MYO16: variants seen among roughly 807,000 people sequenced by gnomAD.
The protein encoded by MYO16 is unconventional myosin-XVI.
MYO16 carries 94 observed loss-of-function variants against 205.3 expected under a neutral mutation model. The ratio of observed to expected loss-of-function variants is 0.46; its 90% CI spans 0.39 to 0.54. MYO16 has a LOEUF of 0.54. MYO16 is among the 20% of genes least tolerant of loss of function. MYO16 has a pLI of 0.00. For synonymous variants in MYO16, 988 were observed against 954.0 expected (o/e 1.04, Z -0.66); for missense variants, 2,315 against 2,387.5 (o/e 0.97, Z 0.63).
Position 108,720,034 on chromosome 13 carries a change from A to C in MYO16, c.363+7303A>C, listed in dbSNP as rs148069226. Among the ~76,000 whole-genome samples the C allele has an allele frequency of 6.6e-4, 100 of 152,330 alleles. 1 individual carries two copies. In the South Asian group the frequency reaches 0.014, roughly 22 times the overall value. On this transcript the variant is annotated intron_variant, in intron 3 of 34. Coordinates refer to ENST00000457511, the MANE Select transcript of MYO16 (RefSeq NM_001198950.3). ...TGGTTCGGTGTTTAGAGTCTGGTTC[A>C]ATTGGCTGGAAGCTGCGGCTCTCTG...
At chr13:108,564,453 G>A in the MYO16 span, among the ~76,000 whole-genome samples, 2 of 152,146 alleles carry the variant, frequency 1.3e-5, no homozygotes, top group Non-Finnish European at 2.9e-5. Flanking sequence ...ACAGGTGTGA[G>A]CCACTGCACC....
intron 12 of MYO16, among the ~76,000 whole-genome samples, chr13:108,879,796 A>G (rs1036763099): frequency 6.6e-6 from 1 of 152,182 alleles, no homozygotes; most frequent in Non-Finnish European, 1.5e-5. Context: ...AGTCTTTGCC[A>G]TTGTGAGTAG....
chr13:108,926,907 C>T (rs1178170623), intron 16 of MYO16, among the ~76,000 whole-genome samples: 2 of 152,124 alleles, frequency 1.3e-5, no homozygotes, highest in African/African-American at 2.4e-5. Flanking sequence ...TCAGATTGCA[C>T]GTAGTTCTGT....
chr13:108,686,746 AT>A (rs1279581119), intron 2 of MYO16, among the ~76,000 whole-genome samples: 2 of 152,268 alleles, frequency 1.3e-5, no homozygotes, highest in Non-Finnish European at 2.9e-5. Flanking sequence ...GCTGGAAATC[AT>A]GACGAAGAGA....
At chr13:108,638,676 C>A (rs944097614) in intron 1 of MYO16, among the ~76,000 whole-genome samples, 1 of 152,162 alleles carries the variant, frequency 6.6e-6, no homozygotes, top group East Asian at 1.9e-4. Context: ...TTTAATCATT[C>A]ACTCACGCCA....
intron 2 of MYO16, among the ~76,000 whole-genome samples, chr13:108,667,320 GTTT>G (rs770988720): frequency 1.6e-5 from 2 of 128,532 alleles, no homozygotes; most frequent in Non-Finnish European, 1.7e-5. Flanking sequence ...TTTCTGTTTT[GTTT>G]TTTTTTTTTT....
intron 20 of MYO16, among the ~76,000 whole-genome samples, chr13:108,970,898 A>C (rs1883984681): frequency 6.6e-6 from 1 of 152,146 alleles, no homozygotes; most frequent in Non-Finnish European, 1.5e-5. Context: ...AGAGGGGCTA[A>C]AGAATGGGAA....
intron 1 of MYO16, among the ~76,000 whole-genome samples, chr13:108,642,454 G>A (rs1321929506): frequency 6.6e-6 from 1 of 152,114 alleles, no homozygotes; most frequent in Non-Finnish European, 1.5e-5. Flanking sequence ...TTGTTTGTTT[G>A]TTTTTGGAGA....
chr13:108,874,735 T>TATTATA (rs1467891066), intron 12 of MYO16, among the ~76,000 whole-genome samples: 1 of 147,324 alleles, frequency 6.8e-6, no homozygotes, highest in East Asian at 2.0e-4. Flanking sequence ...TTATTATTAT[T>TATTATA]ATATGTGATC....
At chr13:108,937,934 G>T (rs779819670) in intron 16 of MYO16, among the ~76,000 whole-genome samples, 48 of 152,086 alleles carry the variant, frequency 3.2e-4, no homozygotes, top group Non-Finnish European at 6.0e-4. Context: ...GCAATCCTTT[G>T]GTGGTGTCAC....
At chr13:108,506,633 A>G in the MYO16 span, among the ~76,000 whole-genome samples, 4 of 152,076 alleles carry the variant, frequency 2.6e-5, no homozygotes, top group Non-Finnish European at 5.9e-5. Flanking sequence ...GTTAACGGAG[A>G]TAAGTTTACT....
intron 2 of MYO16, among the ~76,000 whole-genome samples, chr13:108,708,840 A>C (rs1291426821): frequency 6.6e-6 from 1 of 152,184 alleles, no homozygotes; most frequent in Non-Finnish European, 1.5e-5. Context: ...CAGGTGGACT[A>C]TTGTGATTGG....
chr13:109,206,936 C>T lies in MYO16; in HGVS notation c.*100C>T, dbSNP rs937789095. The T allele has an allele frequency of 6.3e-5, 62 of 991,796 alleles. No homozygotes were observed. Among genetic ancestry groups the T allele is most frequent in the East Asian group, 4.5e-4 (17 of 38,056 alleles). 61.4% of individuals were successfully genotyped at this position (991,796 alleles called of 1,614,324 possible). A position where few individuals can be genotyped will look rare whatever the true frequency, so the allele number is the denominator to read the frequency against. On this transcript the variant is annotated 3_prime_UTR_variant, in exon 35 of 35. Coordinates refer to ENST00000457511, the MANE Select transcript of MYO16 (RefSeq NM_001198950.3). Reference sequence around the variant, plus strand: ...TGACATGCGCTGGGGCTTCTCTCCACGCATTTAGACAAAAAAAGCACAGGA... The same window carrying T: ...TGACATGCGCTGGGGCTTCTCTCCATGCATTTAGACAAAAAAAGCACAGGA...
intron 20 of MYO16, among the ~76,000 whole-genome samples, chr13:108,987,649 A>G (rs1884687280): frequency 6.6e-6 from 1 of 152,086 alleles, no homozygotes; most frequent in Admixed American, 6.6e-5. Context: ...TCACGTCTGG[A>G]ATGTGTTTAT....
chr13:108,930,738 A>G (rs1882221233), intron 16 of MYO16, among the ~76,000 whole-genome samples: 1 of 152,224 alleles, frequency 6.6e-6, no homozygotes, highest in Non-Finnish European at 1.5e-5. Context: ...ATGAATAAAA[A>G]TTACCAAGAA....
chr13:109,055,270 C>T lies in MYO16; in HGVS notation c.3130-120C>T, dbSNP rs1441968802. On this transcript the variant is annotated intron_variant, in intron 26 of 34. Coordinates refer to ENST00000457511, the MANE Select transcript of MYO16 (RefSeq NM_001198950.3). This position sits in a 1 kb window ranked among gnomAD's most constrained non-coding sequence, Gnocchi z 5.0. Reference sequence around the variant, plus strand: ...ATACACACACACACACACACACACACACACAGAGTAAATGCATAATGAGAT... The same window carrying T: ...ATACACACACACACACACACACACATACACAGAGTAAATGCATAATGAGAT... 16 of 955,526 alleles carry T rather than the reference C, an allele frequency of 1.7e-5. No homozygotes were observed. The highest frequency in any genetic ancestry group is 2.5e-5 in the Non-Finnish European group (16 of 637,576). The allele number at this position is 955,526 out of a possible 1,614,324, so 59.2% of individuals were successfully genotyped here.
At chr13:109,053,525 T>C (rs978171173) in intron 25 of MYO16, among the ~76,000 whole-genome samples, 7 of 151,992 alleles carry the variant, frequency 4.6e-5, no homozygotes, top group African/African-American at 1.7e-4. Context: ...CCCTCTTTTC[T>C]CAATCATCCT....
At chr13:108,802,341 A>G (rs992167366) in intron 6 of MYO16, among the ~76,000 whole-genome samples, 1 of 152,114 alleles carries the variant, frequency 6.6e-6, no homozygotes, top group Non-Finnish European at 1.5e-5. Flanking sequence ...ATCATGCAGT[A>G]TTTGTCTTTC....
At chr13:109,030,281 T>G (rs1886508034) in intron 23 of MYO16, among the ~76,000 whole-genome samples, 1 of 152,004 alleles carries the variant, frequency 6.6e-6, no homozygotes, top group Non-Finnish European at 1.5e-5. Flanking sequence ...CAGAAGAAAT[T>G]GAGACTCTTT....
Sources: gnomAD v4.1 joint callset for allele counts (sites outside exome capture counted in the v4.1 genomes callset) on GRCh38, gnomAD v4.1.1 for gene constraint, Gnocchi (gnomAD v3.1) non-coding constraint, MANE v1.5 for transcripts, NCBI Gene and HGNC (gene_info 2026-07-23, HGNC 2026-07-21) for gene names.